The following CABLES2 variants were observed in gnomAD, a reference collection of about 807,000 sequenced individuals.
CABLES2 encodes Cdk5 and Abl enzyme substrate 2, also known as CDK5 and ABL1 enzyme substrate 2.
Under a neutral mutation model 44.8 loss-of-function variants are expected in CABLES2, and 35 were observed. The observed-to-expected ratio is 0.78, with a 90% CI of 0.60 to 1.04. The LOEUF (loss-of-function observed/expected upper bound fraction) is 1.04, where lower values mean the gene tolerates loss of function less well. Among genes scored for constraint, CABLES2 ranks in the 50% least tolerant of loss-of-function variants. CABLES2 has a pLI of 0.00. For synonymous variants in CABLES2, 282 were observed against 281.1 expected, an observed-to-expected ratio of 1.00 and a Z score of -0.03; for missense variants, 566 against 615.7, an observed-to-expected ratio of 0.92 and a Z score of 0.85.
rs1312532748 is a variant in CABLES2 at position 62,391,512 on chromosome 20, C to G, written c.1092-59G>C. On this transcript the variant is annotated intron_variant, in intron 8 of 9. Coordinates refer to ENST00000279101, the MANE Select transcript of CABLES2 (RefSeq NM_031215.3). The surrounding 1 kb of genome is among the most constrained non-coding windows in gnomAD (Gnocchi z 5.7). ...GCTCTGGCTGGGGCTGAGGAGGCAG[C>G]CCCCTGCCACCACCAACCGAGGCTG... The G allele has an allele frequency of 1.3e-6, 2 of 1,546,890 alleles. No homozygotes were observed. The highest frequency in any genetic ancestry group is 1.8e-6 in the Non-Finnish European group (2 of 1,122,978).
At position 62,391,249 on chromosome 20, in the gene CABLES2, A is replaced by G. The variant is rs1176206891; in HGVS notation, c.1296T>C (p.Asp432=). Residue 432 remains aspartate (D), a splice_region_variant and synonymous_variant, in exon 9 of 10, where the codon GAT becomes GAC. Coordinates refer to ENST00000279101, the MANE Select transcript of CABLES2 (RefSeq NM_031215.3). This position sits in a 1 kb window ranked among gnomAD's most constrained non-coding sequence, Gnocchi z 5.7. ...LRKSGVTQLI[D]KLEERFRFNR... ...AGTGCCTGCCGAGCCGGGCACTCAC[A>G]TCGATGAGCTGCGTCACGCCGCTCT... 2 of 1,606,164 alleles carry G rather than the reference A, an allele frequency of 1.2e-6. No homozygotes were observed. The highest frequency in any genetic ancestry group is 2.2e-5 in the East Asian group (1 of 44,684).
intron 1 of CABLES2, 62 bp downstream of exon 1, chr20:62,406,853 C>T: frequency 1.0e-6 from 1 of 975,744 alleles, no homozygotes; most frequent in Non-Finnish European, 1.3e-6. Flanking sequence ...TGGGCTGATC[C>T]GGCCCCCGTC....
rs1370406687 is a variant in CABLES2 at position 62,396,393 on chromosome 20, G to C, written c.449C>G (p.Ser150Cys). Residue 150 changes from serine (S) to cysteine (C), a missense_variant, in exon 3 of 10, where the codon TCT (serine) becomes TGT (cysteine). Physicochemically the swap from Ser to Cys is moderately radical, Grantham distance 112. Around this residue, in one of 2 missense-constraint regions of CABLES2, gnomAD observed 436 missense variants for 536.3 expected, o/e 0.81. Coordinates refer to ENST00000279101, the MANE Select transcript of CABLES2 (RefSeq NM_031215.3). This position sits in a 1 kb window ranked among gnomAD's most constrained non-coding sequence, Gnocchi z 5.7. The part of the protein sequence containing the change: ...CAPAQRTKHT[S>C]GSPRHKGLKK... The stretch of plus-strand genomic sequence containing the variant: ...CAGGCCTTTATGTCTCGGTGATCCA[G>C]ATGTGTGTTTGGTTCTGCAAGGCAA... 1.2e-6 allele frequency: 2 copies of C among 1,613,864 alleles called. No homozygotes were observed. The highest frequency in any genetic ancestry group is 1.7e-6 in the Non-Finnish European group (2 of 1,179,968).
At chr20:62,398,199 G>GTGATGGTGGTGGTGATGA (rs766992209) in intron 1 of CABLES2, among the ~76,000 whole-genome samples, 3 of 56,120 alleles carry the variant, frequency 5.3e-5, no homozygotes, top group South Asian at 4.8e-4. Flanking sequence ...GGTGATGATG[G>GTGATGGTGGTGGTGATGA]TGGTGATGGT....
chr20:62,398,788 G>A (rs936423350), intron 1 of CABLES2, among the ~76,000 whole-genome samples: 1 of 152,200 alleles, frequency 6.6e-6, no homozygotes, highest in Admixed American at 6.5e-5. Context: ...GCCAGCGAGA[G>A]TGCCACAGCC....
chr20:62,403,468 C>CG (rs1569019711), intron 1 of CABLES2: 1 of 152,458 alleles, frequency 6.6e-6, no homozygotes, highest in Non-Finnish European at 1.5e-5. Flanking sequence ...GCCACAAGCC[C>CG]GGGAGTGCGT....
chr20:62,394,032 C>T (rs1987969552), intron 5 of CABLES2, 125 bp downstream of exon 5: 1 of 785,164 alleles, frequency 1.3e-6, no homozygotes, highest in South Asian at 1.5e-5. Flanking sequence ...TCCACTCCAC[C>T]CTTGCGTTTT....
intron 1 of CABLES2, among the ~76,000 whole-genome samples, chr20:62,398,184 G>GTAATGGTGGTGA (rs1988105336): frequency 2.7e-5 from 2 of 74,248 alleles, no homozygotes; most frequent in Non-Finnish European, 6.0e-5. Flanking sequence ...GGTGGTGGTG[G>GTAATGGTGGTGA]TGATGGTGAT....
rs1180411341 is a variant in CABLES2 at position 62,398,070 on chromosome 20, A to G, written c.363-1478T>C. 3.6e-3 allele frequency among the ~76,000 whole-genome samples: 105 copies of G among 28,930 alleles called. 2 individuals are homozygous for G. The highest frequency in any genetic ancestry group is 4.8e-3 in the Non-Finnish European group (80 of 16,728). The allele number at this position is 28,930 out of a possible 152,430, so 19.0% of individuals were successfully genotyped here. A position where few individuals can be genotyped will look rare whatever the true frequency, so the allele number is the denominator to read the frequency against. The stretch of plus-strand genomic sequence containing the variant: ...GGTGGTGATGGCGATGGTGGTGGTG[A>G]CGGTGGTGGTGGTGGTGACGGTGGT... On this transcript the variant is annotated intron_variant, in intron 1 of 9. Coordinates refer to ENST00000279101, the MANE Select transcript of CABLES2 (RefSeq NM_031215.3).
intron 6 of CABLES2, 62 bp downstream of exon 6, chr20:62,393,378 G>C: frequency 6.7e-7 from 1 of 1,495,730 alleles, no homozygotes; most frequent in South Asian, 1.3e-5. Context: ...TGCAGTCCCT[G>C]GGCCGTGGTT....
At chr20:62,402,592 AGT>A (rs1373181979) in intron 1 of CABLES2, 1 of 152,228 alleles carries the variant, frequency 6.6e-6, no homozygotes, top group Admixed American at 6.5e-5. Context: ...CCCAGCTCCA[AGT>A]GTGGGCAGTG....
At chr20:62,393,374 C>T (rs1401756079) in intron 6 of CABLES2, 66 bp downstream of exon 6, 4 of 1,484,092 alleles carry the variant, frequency 2.7e-6, no homozygotes, top group Non-Finnish European at 3.7e-6. Context: ...CTGCTGCAGT[C>T]CCTGGGCCGT....
Position 62,398,145 on chromosome 20 carries a change from G to GTAA in CABLES2, c.363-1554_363-1553insTTA, listed in dbSNP as rs1218107813. On this transcript the variant is annotated intron_variant, in intron 1 of 9. Transcript: ENST00000279101. ...GGTGGTTATGACGGTGGTGATGGTGGTGGTGGTGGTGACGGTGATGGTGGT... is the reference window on the plus strand; with the variant it reads ...GGTGGTTATGACGGTGGTGATGGTGGTAATGGTGGTGGTGACGGTGATGGTGGT... Among the ~76,000 whole-genome samples, 417 of 137,382 alleles carry GTAA rather than the reference G, an allele frequency of 3.0e-3. 11 individuals are homozygous for GTAA. Among genetic ancestry groups the GTAA allele is most frequent in the African/African-American group, 0.011 (377 of 34,324 alleles). 90.1% of individuals were successfully genotyped at this position (137,382 alleles called of 152,430 possible).
Position 62,392,449 on chromosome 20 carries a change from A to G in CABLES2, c.1031T>C (p.Met344Thr), listed in dbSNP as rs1301835562. ...GAACTTCTCCCTGAAGGTCTCGTTC[A>G]TGTCCTTTTTGAGGTCTGAGGGCTT... ...YVKPSDLKKDMNETFREKFPH... is the reference protein window; with the variant it reads ...YVKPSDLKKDTNETFREKFPH... Residue 344 changes from methionine (M) to threonine (T), a missense_variant, in exon 8 of 10, where the codon ATG (methionine) becomes ACG (threonine). Coordinates refer to ENST00000279101, the MANE Select transcript of CABLES2 (RefSeq NM_031215.3). The G allele has an allele frequency of 1.2e-6, 2 of 1,614,060 alleles. No individual in the cohort carries two copies. Among genetic ancestry groups the G allele is most frequent in the Non-Finnish European group, 1.7e-6 (2 of 1,179,988 alleles).
rs1316852257 is a variant in CABLES2 at position 62,397,941 on chromosome 20, G to GCGGTGGTGGTGA, written c.363-1350_363-1349insTCACCACCACCG. 5.9e-5 allele frequency among the ~76,000 whole-genome samples: 8 copies of GCGGTGGTGGTGA among 136,008 alleles called. 2 individuals carry two copies. Among genetic ancestry groups the GCGGTGGTGGTGA allele is most frequent in the African/African-American group, 2.3e-4 (8 of 34,976 alleles). The allele number at this position is 136,008 out of a possible 152,430, so 89.2% of individuals were successfully genotyped here. On this transcript the variant is annotated intron_variant, in intron 1 of 9. Coordinates refer to ENST00000279101, the MANE Select transcript of CABLES2 (RefSeq NM_031215.3). Reference sequence around the variant, plus strand: ...AGTGGTGATGGTGGTGGTGGTGATGGTGGTGACGGTAGTGGTGGTGATGGT... The same window carrying GCGGTGGTGGTGA: ...AGTGGTGATGGTGGTGGTGGTGATGGCGGTGGTGGTGATGGTGACGGTAGTGGTGGTGATGGT...
intron 1 of CABLES2, among the ~76,000 whole-genome samples, chr20:62,400,102 C>T (rs906512557): frequency 3.3e-5 from 5 of 152,312 alleles, no homozygotes; most frequent in South Asian, 2.1e-4. Flanking sequence ...CTCACATTGG[C>T]GCCATCACCA....
At chr20:62,397,123 T>C (rs912840276) in intron 1 of CABLES2, among the ~76,000 whole-genome samples, 2 of 152,118 alleles carry the variant, frequency 1.3e-5, no homozygotes, top group Non-Finnish European at 2.9e-5. Context: ...ACCTCCCACC[T>C]CAGTGCCGTC....
At chr20:62,397,953 G>GTGGTGA (rs1988059003) in intron 1 of CABLES2, among the ~76,000 whole-genome samples, 1 of 21,732 alleles carries the variant, frequency 4.6e-5, no homozygotes, top group Non-Finnish European at 8.1e-5. Context: ...GGTGACGGTA[G>GTGGTGA]TGGTGGTGAT....
Position 62,394,141 on chromosome 20 carries a change from GC to G in CABLES2, c.714+15del. 1 of 1,606,266 alleles carries G rather than the reference GC, an allele frequency of 6.2e-7. No individual in the cohort carries two copies. Among genetic ancestry groups the G allele is most frequent in the Non-Finnish European group, 8.5e-7 (1 of 1,173,714 alleles). On this transcript the variant is annotated intron_variant, in intron 5 of 9. Coordinates refer to ENST00000279101, the MANE Select transcript of CABLES2 (RefSeq NM_031215.3). ...CCCTGACGGCGCTGGGTGTCCACCA[GC>G]GAAGAGGCTCTTACCTTCCCGTCTG... is the stretch of plus-strand genomic sequence containing the variant.
Sources: gnomAD v4.1 joint callset for allele counts (sites outside exome capture counted in the v4.1 genomes callset) on GRCh38, gnomAD v4.1.1 for gene constraint, gnomAD v4.1.1 regional missense constraint, Gnocchi (gnomAD v3.1) non-coding constraint, MANE v1.5 for transcripts, NCBI Gene and HGNC (gene_info 2026-07-23, HGNC 2026-07-21) for gene names.